The following ZFHX3 variants were observed in gnomAD, a reference collection of about 807,000 sequenced individuals.
ZFHX3 encodes the protein zinc finger homeobox 3, also known as zinc finger homeobox protein 3.
Under a neutral mutation model 279.1 loss-of-function variants are expected in ZFHX3, and 42 were observed. The ratio of observed to expected loss-of-function variants is 0.15; its 90% confidence interval spans 0.12 to 0.19. The LOEUF is 0.19. Among genes scored for constraint, ZFHX3 ranks in the 10% least tolerant of loss-of-function variants. ZFHX3 has a pLI of 1.00. For missense variants in ZFHX3, 4,981 were observed against 4,754.0 expected, an observed-to-expected ratio of 1.05 and a Z score of -1.40; for synonymous variants, 2,293 against 1,957.8, an observed-to-expected ratio of 1.17 and a Z score of -4.52.
intron 1 of ZFHX3, among the ~76,000 whole-genome samples, chr16:73,697,369 TCA>T (rs1188470566): frequency 1.3e-5 from 2 of 152,194 alleles, no homozygotes; most frequent in Non-Finnish European, 2.9e-5. Context: ...GACAAATGAA[TCA>T]CAGTTTCAAA....
At chr16:73,377,845 A>C (rs1276101844) in intron 3 of ZFHX3, among the ~76,000 whole-genome samples, 1 of 151,560 alleles carries the variant, frequency 6.6e-6, no homozygotes, top group Non-Finnish European at 1.5e-5. Context: ...CATCCTGGCT[A>C]ACACGGTGAA....
At chr16:73,555,336 A>G (rs2020261768) in intron 2 of ZFHX3, among the ~76,000 whole-genome samples, 1 of 151,740 alleles carries the variant, frequency 6.6e-6, no homozygotes, top group African/African-American at 2.4e-5. Flanking sequence ...TTGTATTTTT[A>G]GCAGAGACGG....
chr16:73,541,673 A>G (rs2020013302), intron 2 of ZFHX3, among the ~76,000 whole-genome samples: 1 of 150,664 alleles, frequency 6.6e-6, no homozygotes. Flanking sequence ...CTTACATGGG[A>G]CGCTTGGATG....
intron 1 of ZFHX3, among the ~76,000 whole-genome samples, chr16:73,017,079 C>T (rs1964126313): frequency 6.6e-6 from 1 of 151,784 alleles, no homozygotes; most frequent in Non-Finnish European, 1.5e-5. Context: ...AAAAATAAAT[C>T]AGCCAGGCGT....
chr16:73,304,471 T>C (rs972896553), intron 4 of ZFHX3, among the ~76,000 whole-genome samples: 4 of 152,302 alleles, frequency 2.6e-5, no homozygotes, highest in South Asian at 2.1e-4. Flanking sequence ...TTGTCTGCTG[T>C]GTCCAGGCTG....
chr16:73,558,521 T>C (rs1185324973), intron 2 of ZFHX3: 1 of 152,152 alleles, frequency 6.6e-6, no homozygotes, highest in African/African-American at 2.4e-5. Context: ...TTATTTCTCA[T>C]AGCCAAAGCA....
intron 2 of ZFHX3, among the ~76,000 whole-genome samples, chr16:73,669,043 A>G (rs1190337027): frequency 2.0e-5 from 1 of 48,844 alleles, no homozygotes; most frequent in Non-Finnish European, 4.4e-5. Flanking sequence ...TTTTTTTTCT[A>G]TTTATTATTT....
At chr16:73,864,171 A>G (rs1378092862) in intron 1 of ZFHX3, among the ~76,000 whole-genome samples, 1 of 152,192 alleles carries the variant, frequency 6.6e-6, no homozygotes, top group Non-Finnish European at 1.5e-5. Context: ...TCATGAATTT[A>G]CACATAACTT....
chr16:73,430,412 G>C (rs1431027598), intron 3 of ZFHX3, among the ~76,000 whole-genome samples: 3 of 152,150 alleles, frequency 2.0e-5, no homozygotes, highest in Non-Finnish European at 2.9e-5. Flanking sequence ...ACCTGGCAAA[G>C]CTACCTCAGC....
At chr16:73,101,575 T>A (rs966395582) in intron 7 of ZFHX3, among the ~76,000 whole-genome samples, 8 of 151,972 alleles carry the variant, frequency 5.3e-5, no homozygotes, top group African/African-American at 1.9e-4. Flanking sequence ...TTTTTTTTTT[T>A]ATTTTTAGTA....
At chr16:73,051,197 T>C (rs1241153302), upstream of ZFHX3, among the ~76,000 whole-genome samples, 1 of 152,224 alleles carries the variant, frequency 6.6e-6, no homozygotes, top group Non-Finnish European at 1.5e-5. Context: ...ATTATACGTA[T>C]ACATTGATTT....
chr16:73,184,089 C>T (rs908389765), intron 5 of ZFHX3, among the ~76,000 whole-genome samples: 6 of 152,076 alleles, frequency 3.9e-5, no homozygotes, highest in East Asian at 1.9e-4. Flanking sequence ...TGGTCTACTG[C>T]GTCTTTTCTC....
intron 9 of ZFHX3, chr16:72,791,372 T>C (rs1383662750): frequency 1.3e-5 from 2 of 152,238 alleles, no homozygotes; most frequent in African/African-American, 4.8e-5. Context: ...TCTGCTGCCC[T>C]GAATAAATAA....
intron 8 of ZFHX3, among the ~76,000 whole-genome samples, chr16:73,078,087 G>A (rs760046711): frequency 2.1e-4 from 32 of 152,172 alleles, no homozygotes; most frequent in Non-Finnish European, 5.9e-5. Flanking sequence ...CTACAGGCGT[G>A]AGCCACTGTG....
intron 7 of ZFHX3, among the ~76,000 whole-genome samples, chr16:73,108,139 C>T (rs912153778): frequency 2.0e-5 from 3 of 151,890 alleles, no homozygotes; most frequent in East Asian, 1.9e-4. Context: ...CCAGCCTGGG[C>T]GACAGAGCAA....
intron 1 of ZFHX3, among the ~76,000 whole-genome samples, chr16:73,827,783 T>C (rs1193340467): frequency 1.5e-5 from 2 of 129,524 alleles, no homozygotes; most frequent in African/African-American, 6.1e-5. Flanking sequence ...TTGTTATAAT[T>C]TCTGTTCTTT....
At chr16:73,623,024 AG>A (rs2052379416) in intron 2 of ZFHX3, among the ~76,000 whole-genome samples, 3 of 137,302 alleles carry the variant, frequency 2.2e-5, no homozygotes, top group South Asian at 5.0e-4. Context: ...TGTAAAATTC[AG>A]AAGGGCACAT....
chr16:73,696,962 T>G (rs1427038741), intron 1 of ZFHX3, among the ~76,000 whole-genome samples: 3 of 152,170 alleles, frequency 2.0e-5, no homozygotes, highest in Non-Finnish European at 2.9e-5. Flanking sequence ...TAATAGCATC[T>G]GTTTGCTTAC....
At chr16:73,765,608 T>C (rs1266530507) in intron 1 of ZFHX3, among the ~76,000 whole-genome samples, 1 of 152,196 alleles carries the variant, frequency 6.6e-6, no homozygotes, top group Non-Finnish European at 1.5e-5. Context: ...CATATTCATT[T>C]CAGTAGTGAC....
Sources: gnomAD v4.1 joint callset for allele counts (sites outside exome capture counted in the v4.1 genomes callset) on GRCh38, gnomAD v4.1.1 for gene constraint, MANE v1.5 for transcripts, NCBI Gene and HGNC (gene_info 2026-07-23, HGNC 2026-07-21) for gene names.